The following FBXL2 variants were observed in gnomAD, a reference collection of about 807,000 sequenced individuals.
FBXL2 encodes F-box and leucine rich repeat protein 2, also known as F-box/LRR-repeat protein 2.
In FBXL2, 38 loss-of-function variants were observed where a neutral mutation model predicts 69.2. That is an observed-to-expected ratio of 0.55 (90% CI 0.42 to 0.72). The LOEUF (loss-of-function observed/expected upper bound fraction) is 0.72, where lower values mean the gene tolerates loss of function less well. Ranked by LOEUF, FBXL2 falls within the 30% of genes least tolerant of loss-of-function variation. FBXL2 has a pLI of 0.00. For missense variants in FBXL2, 354 were observed against 520.3 expected, an observed-to-expected ratio of 0.68 and a Z score of 3.11; for synonymous variants, 192 against 201.3, an observed-to-expected ratio of 0.95 and a Z score of 0.39.
At chr3:33,368,197 T>C (rs150472655) in intron 5 of FBXL2, among the ~76,000 whole-genome samples, 1 of 152,342 alleles carries the variant, frequency 6.6e-6, no homozygotes, top group East Asian at 1.9e-4. Flanking sequence ...AAGTGTGCCA[T>C]AAATGCCAGT....
At chr3:33,353,401 G>C (rs954887072) in intron 2 of FBXL2, among the ~76,000 whole-genome samples, 9 of 152,198 alleles carry the variant, frequency 5.9e-5, no homozygotes, top group African/African-American at 1.9e-4. Flanking sequence ...ATAGGCGAAT[G>C]GATAAACAAA....
chr3:33,375,226 C>T, intron 9 of FBXL2, 62 bp from the exon 10 acceptor site: 1 of 1,582,398 alleles, frequency 6.3e-7, no homozygotes, highest in South Asian at 1.1e-5. Flanking sequence ...TACTTTTCTG[C>T]TGCTCCCGTT....
At chr3:33,389,793 T>C (rs1297550072), downstream of FBXL2, 2 of 154,146 alleles carry the variant, frequency 1.3e-5, no homozygotes, top group African/African-American at 4.8e-5. Flanking sequence ...TCAGACATGA[T>C]TTCTTCCAAG....
intron 1 of FBXL2, among the ~76,000 whole-genome samples, chr3:33,289,164 A>T (rs2034969062): frequency 6.6e-6 from 1 of 152,200 alleles, no homozygotes; most frequent in Admixed American, 6.6e-5. Context: ...GTAATACTAA[A>T]TACTGAGAGG....
intron 1 of FBXL2, among the ~76,000 whole-genome samples, chr3:33,290,736 C>T (rs989315349): frequency 5.9e-5 from 9 of 151,974 alleles, no homozygotes; most frequent in African/African-American, 2.2e-4. Flanking sequence ...ATACCTGTAA[C>T]TAGAGTTCAA....
intron 5 of FBXL2, among the ~76,000 whole-genome samples, chr3:33,369,037 T>C (rs960718434): frequency 6.7e-6 from 1 of 150,368 alleles, no homozygotes; most frequent in African/African-American, 2.5e-5. Flanking sequence ...TCTTTTCCTC[T>C]TTTTCTTTCT....
the FBXL2 span, chr3:33,411,739 AAACTTAC>A: frequency 2.1e-6 from 3 of 1,429,212 alleles, no homozygotes; most frequent in East Asian, 2.3e-5. Flanking sequence ...ATAACTTAAA[AAACTTAC>A]AACTTACTAT....
downstream of FBXL2, chr3:33,390,374 G>C (rs1161222958): frequency 9.3e-6 from 15 of 1,613,802 alleles, no homozygotes; most frequent in Non-Finnish European, 1.3e-5. Flanking sequence ...TTCAGCTGCA[G>C]AAAAAGGAAA....
chr3:33,291,179 C>G (rs570544628), intron 1 of FBXL2, among the ~76,000 whole-genome samples: 2 of 152,174 alleles, frequency 1.3e-5, no homozygotes, highest in African/African-American at 4.8e-5. Context: ...ATCCTCCTGA[C>G]TTACCTCCCA....
chr3:33,355,299 T>C (rs1445385697), intron 2 of FBXL2, among the ~76,000 whole-genome samples: 2 of 152,222 alleles, frequency 1.3e-5, no homozygotes, highest in African/African-American at 4.8e-5. Flanking sequence ...GCAAGGTATC[T>C]ATCTGGAAAA....
chr3:33,307,237 A>C (rs1228115299), intron 2 of FBXL2, among the ~76,000 whole-genome samples: 2 of 152,188 alleles, frequency 1.3e-5, no homozygotes, highest in African/African-American at 4.8e-5. Context: ...TGTAGAGCAC[A>C]ATATCATATC....
intron 2 of FBXL2, among the ~76,000 whole-genome samples, chr3:33,321,872 C>A (rs1015541957): frequency 6.6e-6 from 1 of 151,966 alleles, no homozygotes; most frequent in Admixed American, 6.6e-5. Context: ...TATATGTAGT[C>A]CATTATTTAC....
chr3:33,378,840 A>T, intron 13 of FBXL2, 99 bp downstream of exon 13: 1 of 1,596,428 alleles, frequency 6.3e-7, no homozygotes, highest in Non-Finnish European at 8.5e-7. Flanking sequence ...GTAAGGTATC[A>T]TCTCTCTTGA....
chr3:33,329,435 A>G (rs189476933), intron 2 of FBXL2, among the ~76,000 whole-genome samples: 84 of 152,160 alleles, frequency 5.5e-4, no homozygotes, highest in Middle Eastern at 3.4e-3. Flanking sequence ...CGAAAGAAAG[A>G]AAATTAATAT....
chr3:33,280,713 C>CAAAAA (rs34093056), intron 1 of FBXL2, among the ~76,000 whole-genome samples: 202 of 78,498 alleles, frequency 2.6e-3, no homozygotes, highest in Middle Eastern at 6.8e-3. Flanking sequence ...GCCCTGTATC[C>CAAAAA]AAAAAAAAAA....
At chr3:33,394,867 T>C (rs1450938129) in intron 12 of FBXL2, among the ~76,000 whole-genome samples, 1 of 150,280 alleles carries the variant, frequency 6.7e-6, no homozygotes, top group East Asian at 2.0e-4. Flanking sequence ...CAGCCTTATC[T>C]ACAATTTACA....
intron 12 of FBXL2, chr3:33,400,154 T>C (rs2044167632): frequency 1.5e-6 from 2 of 1,304,960 alleles, no homozygotes; most frequent in Non-Finnish European, 2.0e-6. Flanking sequence ...AAACAAAACA[T>C]TCTCATGCAC....
At chr3:33,311,929 G>A (rs909224797) in intron 2 of FBXL2, among the ~76,000 whole-genome samples, 2 of 151,686 alleles carry the variant, frequency 1.3e-5, no homozygotes, top group African/African-American at 4.8e-5. Flanking sequence ...ATCCTGTTTG[G>A]TTCTTTTTAT....
At chr3:33,311,752 G>A (rs765638032) in intron 2 of FBXL2, among the ~76,000 whole-genome samples, 1 of 152,074 alleles carries the variant, frequency 6.6e-6, no homozygotes, top group Non-Finnish European at 1.5e-5. Flanking sequence ...AGCCTCCTGA[G>A]TAGCTGGGAC....
Sources: allele counts gnomAD v4.1 joint callset (sites outside exome capture counted in the v4.1 genomes callset), GRCh38; gene constraint gnomAD v4.1.1; transcripts MANE v1.5; gene names NCBI Gene and HGNC (gene_info 2026-07-23, HGNC 2026-07-21).